Variants in TRPM1 observed in about 807,000 individuals in gnomAD.
TRPM1 encodes TRPM1-203 APA Isoform, Intron 10.
TRPM1 carries 113 observed loss-of-function variants against 149.4 expected under a neutral mutation model. The ratio of observed to expected loss-of-function variants is 0.76; its 90% CI spans 0.65 to 0.88. The LOEUF (loss-of-function observed/expected upper bound fraction) is 0.88. Ranked by LOEUF, TRPM1 falls within the 40% of genes least tolerant of loss-of-function variation. TRPM1 has a pLI of 0.00. For synonymous variants in TRPM1, 741 were observed against 759.5 expected (o/e 0.98, Z 0.40); for missense variants, 1,976 against 2,038.7 (o/e 0.97, Z 0.59).
At chr15:31,149,140 G>A (rs1427230863) in intron 1 of TRPM1, among the ~76,000 whole-genome samples, 1 of 152,212 alleles carries the variant, frequency 6.6e-6, no homozygotes, top group Non-Finnish European at 1.5e-5. Context: ...ACGTGGAAGG[G>A]AACTGAGGGC....
chr15:31,045,476 T>C (rs1179155678), intron 16 of TRPM1, among the ~76,000 whole-genome samples: 1 of 152,222 alleles, frequency 6.6e-6, no homozygotes, highest in Non-Finnish European at 1.5e-5. Flanking sequence ...TATTCTTTTT[T>C]TAGCATTTAT....
rs116622850 is a variant in TRPM1 at position 31,155,915 on chromosome 15, G to A, written c.54+4991C>T. Reference sequence around the variant, plus strand: ...CACATGACAGATAAAGAAGGAAATCGGCCAGGTGCAGTGGCTCACACCTGT... The same window carrying A: ...CACATGACAGATAAAGAAGGAAATCAGCCAGGTGCAGTGGCTCACACCTGT... On this transcript the variant is annotated intron_variant, in intron 1 of 26. Coordinates refer to the TRPM1 transcript ENST00000542188. Among the ~76,000 whole-genome samples, 665 of 152,112 alleles carry A rather than the reference G, an allele frequency of 4.4e-3. 3 individuals are homozygous for A. The highest frequency in any genetic ancestry group is 0.016 in the African/African-American group (645 of 41,508).
chr15:31,095,562 G>A (rs967029643), intron 1 of TRPM1, among the ~76,000 whole-genome samples: 3 of 151,816 alleles, frequency 2.0e-5, no homozygotes, highest in East Asian at 1.9e-4. Context: ...ACAGGCGCCT[G>A]TAATCCCAGC....
At chr15:31,072,018 T>TATATAG (rs1400392427) in intron 3 of TRPM1, among the ~76,000 whole-genome samples, 16 of 36,900 alleles carry the variant, frequency 4.3e-4, no homozygotes, top group South Asian at 1.3e-3. Context: ...TATATATATA[T>TATATAG]AGAGAGAGAG....
intron 11 of TRPM1, 48 bp downstream of exon 11, chr15:31,060,496 T>C (rs1282535665): frequency 6.6e-7 from 1 of 1,508,016 alleles, no homozygotes; most frequent in Admixed American, 1.7e-5. Flanking sequence ...ATAGGTCACT[T>C]GTACAAAGTC....
chr15:31,042,557 C>T (rs969346305), intron 16 of TRPM1, among the ~76,000 whole-genome samples: 1 of 152,182 alleles, frequency 6.6e-6, no homozygotes, highest in African/African-American at 2.4e-5. Context: ...GCAAAACCTC[C>T]CCCAAAACTA....
intron 1 of TRPM1, among the ~76,000 whole-genome samples, chr15:31,111,493 G>T (rs59065311): frequency 0.06 from 9,106 of 152,266 alleles, 477 homozygotes; most frequent in African/African-American, 0.12. Context: ...CTGTGTTCCT[G>T]AGAAGAAATG....
chr15:31,057,182 A>T (rs969519835), intron 11 of TRPM1, among the ~76,000 whole-genome samples: 1 of 152,206 alleles, frequency 6.6e-6, no homozygotes, highest in African/African-American at 2.4e-5. Context: ...GACAGTAACA[A>T]TTAAGAGAAT....
intron 27 of TRPM1, among the ~76,000 whole-genome samples, chr15:31,021,702 TA>T (rs34186876): frequency 0.087 from 10,435 of 119,304 alleles, 395 homozygotes; most frequent in Middle Eastern, 0.16. Context: ...TCTCTAGAAT[TA>T]AAAAAAAAAA....
rs1479321465 is a variant in TRPM1 at position 31,076,940 on chromosome 15, A to G, written c.48T>C (p.Cys16=). The part of the protein sequence containing the change: ...WIEKTFCKRE[C]IFVIPSMKDS... ...CTTTCATGCTAGGAATTACAAAGAT[A>G]CATTCCCGTTTGCAAAAGGTTTTCT... Residue 16 remains cysteine, a synonymous_variant, in exon 3 of 28, where the codon TGT becomes TGC. Transcript: ENST00000256552. 2 of 1,612,576 alleles carry G rather than the reference A, an allele frequency of 1.2e-6. No homozygotes were observed. The highest frequency in any genetic ancestry group is 2.7e-5 in the African/African-American group (2 of 74,904).
At position 31,066,088 on chromosome 15, in the gene TRPM1, T is replaced by C. The variant is rs763364802; in HGVS notation, c.778A>G (p.Lys260Glu). 3 of 1,613,886 alleles carry C rather than the reference T, an allele frequency of 1.9e-6. No homozygotes were observed. The highest frequency in any genetic ancestry group is 2.5e-6 in the Non-Finnish European group (3 of 1,179,940). Residue 260 changes from lysine to glutamate, a missense_variant, in exon 7 of 28, where the codon AAG (lysine) becomes GAG (glutamate). Around this residue, in one of 3 missense-constraint regions of TRPM1, gnomAD observed 1,332 missense variants for 1,347.1 expected, o/e 0.99. Coordinates refer to ENST00000256552, the MANE Select transcript of TRPM1 (RefSeq NM_001252024.2). ...RLLEKHISLQ[K>E]INTRLGQGVP... ...TGCCAGCACTTACTTGTGTTGATCT[T>C]CTGCAGGGAGATGTGCTTTTCCAGC... is the stretch of plus-strand genomic sequence containing the variant.
chr15:31,142,853 T>C (rs1316504289), intron 1 of TRPM1, among the ~76,000 whole-genome samples: 2 of 152,250 alleles, frequency 1.3e-5, no homozygotes, highest in Non-Finnish European at 2.9e-5. Flanking sequence ...TGTTAAATTT[T>C]CTTTGAGTTA....
chr15:31,037,873 A>G, intron 19 of TRPM1, 31 bp from the exon 20 acceptor site: 2 of 1,614,040 alleles, frequency 1.2e-6, no homozygotes, highest in Non-Finnish European at 1.7e-6. Flanking sequence ...CATGACAGGC[A>G]GGTGGCTAAA....
intron 1 of TRPM1, among the ~76,000 whole-genome samples, chr15:31,136,739 C>CA (rs1567074963): frequency 1.5e-5 from 2 of 134,788 alleles, no homozygotes; most frequent in African/African-American, 5.7e-5. Flanking sequence ...TTTCCTCAGC[C>CA]GCCCCCACCC....
intron 27 of TRPM1, among the ~76,000 whole-genome samples, chr15:31,008,347 G>C (rs1314324383): frequency 6.6e-6 from 1 of 152,154 alleles, no homozygotes; most frequent in Non-Finnish European, 1.5e-5. Flanking sequence ...GATTAAGGAG[G>C]TTCTCTTCTG....
At chr15:31,005,956 C>G (rs2031973012) in intron 27 of TRPM1, among the ~76,000 whole-genome samples, 1 of 152,176 alleles carries the variant, frequency 6.6e-6, no homozygotes, top group Non-Finnish European at 1.5e-5. Flanking sequence ...CATAAAAACA[C>G]AAGAGAATCC....
chr15:31,148,764 C>T (rs914066390), intron 1 of TRPM1, among the ~76,000 whole-genome samples: 2 of 152,188 alleles, frequency 1.3e-5, no homozygotes, highest in African/African-American at 4.8e-5. Flanking sequence ...GCACAGAAAC[C>T]TGTGGGGAGA....
chr15:31,138,941 T>C (rs1319747085), intron 1 of TRPM1, among the ~76,000 whole-genome samples: 3 of 152,166 alleles, frequency 2.0e-5, no homozygotes, highest in Admixed American at 2.0e-4. Context: ...AAAAATGACT[T>C]ACCTTTGTAT....
intron 1 of TRPM1, among the ~76,000 whole-genome samples, chr15:31,112,130 A>G (rs11635677): frequency 0.13 from 19,792 of 152,238 alleles, 1,716 homozygotes; most frequent in Non-Finnish European, 0.18. Flanking sequence ...AAGTGTGGCA[A>G]TAGAAGAAGG....
Sources: gnomAD v4.1 joint callset for allele counts (sites outside exome capture counted in the v4.1 genomes callset) on GRCh38, gnomAD v4.1.1 for gene constraint, gnomAD v4.1.1 regional missense constraint, MANE v1.5 for transcripts, NCBI Gene and HGNC (gene_info 2026-07-23, HGNC 2026-07-21) for gene names.